RORA: variants seen among roughly 807,000 people sequenced by gnomAD.
RORA encodes the protein nuclear receptor ROR-alpha.
A neutral mutation model predicts 69.5 loss-of-function variants in RORA; 7 were observed. The ratio of observed to expected loss-of-function variants is 0.10; its 90% CI spans 0.06 to 0.19. RORA has a LOEUF of 0.19. Ranked by LOEUF, RORA falls within the 10% of genes least tolerant of loss-of-function variation. The pLI, the probability that RORA is intolerant of heterozygous loss-of-function variation, is 1.00. For synonymous variants in RORA, 261 were observed against 240.8 expected, an observed-to-expected ratio of 1.08 and a Z score of -0.78; for missense variants, 457 against 663.0, an observed-to-expected ratio of 0.69 and a Z score of 3.41.
intron 1 of RORA, among the ~76,000 whole-genome samples, chr15:61,172,547 A>G (rs578105973): frequency 5.4e-4 from 82 of 152,288 alleles, no homozygotes; most frequent in African/African-American, 1.7e-3. Context: ...AACAGAGTTC[A>G]AGGGGGATAG....
chr15:60,696,691 C>G (rs960695020), intron 1 of RORA, among the ~76,000 whole-genome samples: 3 of 152,138 alleles, frequency 2.0e-5, no homozygotes, highest in African/African-American at 2.4e-5. Context: ...TTTATATGAC[C>G]CTTGCTTGCT....
chr15:60,886,917 C>T (rs2073756883), intron 1 of RORA, among the ~76,000 whole-genome samples: 1 of 152,158 alleles, frequency 6.6e-6, no homozygotes, highest in Non-Finnish European at 1.5e-5. Context: ...TTGCAAGGAC[C>T]AGAGGACACT....
intron 2 of RORA, among the ~76,000 whole-genome samples, chr15:60,568,194 G>A (rs1263864994): frequency 6.6e-6 from 1 of 152,176 alleles, no homozygotes; most frequent in Non-Finnish European, 1.5e-5. Context: ...GCTGGAAAAT[G>A]GATAGGACAA....
chr15:60,605,045 C>G (rs1245870607), intron 2 of RORA, among the ~76,000 whole-genome samples: 1 of 152,116 alleles, frequency 6.6e-6, no homozygotes, highest in Non-Finnish European at 1.5e-5. Flanking sequence ...AGTGCTAACT[C>G]TCCATGTATT....
intron 5 of RORA, among the ~76,000 whole-genome samples, chr15:60,508,582 G>A (rs546982482): frequency 1.3e-5 from 2 of 152,286 alleles, no homozygotes; most frequent in Admixed American, 1.3e-4. Flanking sequence ...TTACAGAGGA[G>A]GAAACTGAAC....
chr15:60,670,367 A>G (rs1316604653), intron 2 of RORA, among the ~76,000 whole-genome samples: 1 of 151,740 alleles, frequency 6.6e-6, no homozygotes, highest in East Asian at 1.9e-4. Flanking sequence ...ACAGTACCAC[A>G]CTCAGCTACT....
At chr15:61,126,223 CCTAA>C (rs999811693) in intron 1 of RORA, among the ~76,000 whole-genome samples, 6 of 152,224 alleles carry the variant, frequency 3.9e-5, no homozygotes, top group African/African-American at 7.2e-5. Flanking sequence ...TTTATTACAG[CCTAA>C]CTGACACACA....
intron 1 of RORA, among the ~76,000 whole-genome samples, chr15:60,850,026 CAT>C (rs2073307028): frequency 6.6e-6 from 1 of 152,140 alleles, no homozygotes. Context: ...GCAGGGAAGA[CAT>C]AGATAATTTT....
At chr15:60,847,415 G>A (rs1171292833) in intron 1 of RORA, among the ~76,000 whole-genome samples, 1 of 151,964 alleles carries the variant, frequency 6.6e-6, no homozygotes, top group African/African-American at 2.4e-5. Flanking sequence ...CCTACTTCCT[G>A]TGGCCTACTC....
chr15:61,087,756 G>C (rs996864102), intron 1 of RORA, among the ~76,000 whole-genome samples: 2 of 152,234 alleles, frequency 1.3e-5, no homozygotes. Flanking sequence ...TACTGCCCAT[G>C]TGCAGATGTT....
At chr15:60,708,053 C>A (rs942689376) in intron 1 of RORA, among the ~76,000 whole-genome samples, 18 of 152,196 alleles carry the variant, frequency 1.2e-4, no homozygotes, top group African/African-American at 4.3e-4. Flanking sequence ...CTAACTGTCA[C>A]CTCCTTGGAC....
At chr15:61,102,015 G>A (rs965063593) in intron 1 of RORA, among the ~76,000 whole-genome samples, 1 of 152,054 alleles carries the variant, frequency 6.6e-6, no homozygotes, top group Non-Finnish European at 1.5e-5. Flanking sequence ...CAGGGAAGGC[G>A]GGGCTTTGGT....
At chr15:60,983,820 C>T (rs1442087343) in intron 1 of RORA, among the ~76,000 whole-genome samples, 3 of 152,120 alleles carry the variant, frequency 2.0e-5, no homozygotes, top group East Asian at 1.9e-4. Context: ...TGTCTAAAAC[C>T]GAGCTGCAAC....
At chr15:60,571,033 T>G (rs1301222358) in intron 2 of RORA, among the ~76,000 whole-genome samples, 5 of 152,242 alleles carry the variant, frequency 3.3e-5, no homozygotes, top group African/African-American at 1.2e-4. Context: ...AAAAGTTCTT[T>G]TTTTTTCTCT....
chr15:60,908,086 G>GT (rs1891597516), intron 1 of RORA, among the ~76,000 whole-genome samples: 2 of 152,170 alleles, frequency 1.3e-5, no homozygotes, highest in South Asian at 4.1e-4. Flanking sequence ...GGGCTCCTGA[G>GT]TTTTTCTCTG....
In RORA at chr15:61,082,594, A is replaced by G. The variant is rs150759418; in HGVS notation, c.166+146459T>C. 6.6e-5 allele frequency among the ~76,000 whole-genome samples: 10 copies of G among 152,324 alleles called. No individual in the cohort carries two copies. In the East Asian group the frequency reaches 1.9e-3, roughly 29 times the overall value. ...ATTTTGTAAACGTGGGTTCTGCAGC[A>G]CCAACTTCATCACTTGAGTATGTGT... On this transcript the variant is annotated intron_variant, in intron 1 of 10. Transcript: ENST00000335670.
chr15:60,716,714 T>G (rs2071223601), intron 1 of RORA, among the ~76,000 whole-genome samples: 1 of 152,036 alleles, frequency 6.6e-6, no homozygotes, highest in Non-Finnish European at 1.5e-5. Flanking sequence ...AAGACCCTCC[T>G]CAGAGAGAGT....
chr15:60,786,900 G>A (rs750110035), intron 1 of RORA, among the ~76,000 whole-genome samples: 1 of 152,208 alleles, frequency 6.6e-6, no homozygotes, highest in Non-Finnish European at 1.5e-5. Flanking sequence ...CCTTCCCAGC[G>A]GAGGTGTGGA....
chr15:60,540,574 C>G lies in RORA; in HGVS notation c.197-8723G>C, dbSNP rs11855612. On this transcript the variant is annotated intron_variant, in intron 2 of 10. Transcript: ENST00000335670. ...TGCACAATTTCCATGACCCCCCCCC[C>G]CCAAAACTGTGCGGTCACAAAACCC... Among the ~76,000 whole-genome samples the G allele has an allele frequency of 2.6e-3, 264 of 102,286 alleles. 7 individuals carry two copies. The highest frequency in any genetic ancestry group is 4.8e-3 in the African/African-American group (106 of 22,290). The allele number at this position is 102,286 out of a possible 152,430, so 67.1% of individuals were successfully genotyped here.
Sources: gnomAD v4.1 joint callset for allele counts (sites outside exome capture counted in the v4.1 genomes callset) on GRCh38, gnomAD v4.1.1 for gene constraint, MANE v1.5 for transcripts, NCBI Gene and HGNC (gene_info 2026-07-23, HGNC 2026-07-21) for gene names.